The following GABRG3 variants were observed in gnomAD, a reference collection of about 807,000 sequenced individuals.
GABRG3 encodes gamma-aminobutyric acid receptor subunit gamma-3.
Under a neutral mutation model 48.8 loss-of-function variants are expected in GABRG3, and 25 were observed. The observed-to-expected ratio is 0.51, with a 90% CI of 0.37 to 0.72. The LOEUF (loss-of-function observed/expected upper bound fraction) is 0.72, where lower values mean the gene tolerates loss of function less well. Ranked by LOEUF, GABRG3 falls within the 30% of genes least tolerant of loss-of-function variation. GABRG3 has a pLI of 0.00. For missense variants in GABRG3, 394 were observed against 577.9 expected, an observed-to-expected ratio of 0.68 and a Z score of 3.26; for synonymous variants, 227 against 217.6, an observed-to-expected ratio of 1.04 and a Z score of -0.38.
chr15:27,160,118 T>C (rs1202629434), intron 3 of GABRG3, among the ~76,000 whole-genome samples: 4 of 152,202 alleles, frequency 2.6e-5, no homozygotes, highest in Non-Finnish European at 4.4e-5. Context: ...TTCCCAGTCT[T>C]GGTCATTCTG....
rs1042318391 is a variant in GABRG3, at chr15:27,180,586, T to C, written c.271-146223T>C. On this transcript the variant is annotated intron_variant, in intron 3 of 9. Transcript: ENST00000615808. This position sits in a 1 kb window ranked among gnomAD's most constrained non-coding sequence, Gnocchi z 4.2. ...CATGTCATCCTGATTCACTCAACTTTACCCCAACTCAGATTCTGTTTCTAA... is the reference window on the plus strand; with the variant it reads ...CATGTCATCCTGATTCACTCAACTTCACCCCAACTCAGATTCTGTTTCTAA... Among the ~76,000 whole-genome samples the C allele has an allele frequency of 6.6e-6, 1 of 152,086 alleles. No homozygotes were observed. Among genetic ancestry groups the C allele is most frequent in the African/African-American group, 2.4e-5 (1 of 41,426 alleles).
intron 3 of GABRG3, among the ~76,000 whole-genome samples, chr15:27,074,618 T>A (rs988384628): frequency 1.3e-5 from 2 of 151,670 alleles, no homozygotes; most frequent in Non-Finnish European, 2.9e-5. Flanking sequence ...ACCTACTCTG[T>A]GTGAATATAT....
At chr15:26,977,268 G>A (rs776575932) in intron 2 of GABRG3, 118 bp downstream of exon 2, 1 of 1,061,030 alleles carries the variant, frequency 9.4e-7, no homozygotes, top group African/African-American at 1.6e-5. Flanking sequence ...AAGGTTTCCT[G>A]TACTTGTCAC....
intron 3 of GABRG3, among the ~76,000 whole-genome samples, chr15:27,183,675 A>G (rs992302526): frequency 2.0e-5 from 3 of 152,260 alleles, no homozygotes; most frequent in Non-Finnish European, 2.9e-5. Context: ...AAAAATAAGT[A>G]TAAAGAGCAG....
chr15:27,249,843 G>T (rs964445324), intron 3 of GABRG3, among the ~76,000 whole-genome samples: 2 of 152,174 alleles, frequency 1.3e-5, no homozygotes, highest in Non-Finnish European at 2.9e-5. Flanking sequence ...CCAGAAGGAA[G>T]TTTCTTCATA....
rs74535109 is a variant in GABRG3, at chr15:27,395,327, A to G, written c.574+66439A>G. On this transcript the variant is annotated intron_variant, in intron 5 of 9. Transcript: ENST00000615808. The stretch of plus-strand genomic sequence containing the variant: ...TATTTGGTCCTTGTACGTAATTTCT[A>G]TCTTTTTATTGCAGTCCCTCATTTG... 3.0e-3 allele frequency among the ~76,000 whole-genome samples: 456 copies of G among 152,310 alleles called. 2 individuals are homozygous for G. The highest frequency in any genetic ancestry group is 0.01 in the African/African-American group (419 of 41,576).
chr15:27,472,811 T>G (rs1889826242), intron 5 of GABRG3, among the ~76,000 whole-genome samples: 1 of 152,158 alleles, frequency 6.6e-6, no homozygotes, highest in Non-Finnish European at 1.5e-5. Context: ...TATACATATG[T>G]ATGTATGTAT....
chr15:27,445,475 C>T (rs901168184), intron 5 of GABRG3, among the ~76,000 whole-genome samples: 10 of 152,160 alleles, frequency 6.6e-5, no homozygotes, highest in African/African-American at 2.4e-4. Flanking sequence ...GCCACCTGTA[C>T]ATCTTCTTTG....
intron 5 of GABRG3, chr15:27,362,520 C>G (rs1488699310): frequency 6.6e-6 from 1 of 152,166 alleles, no homozygotes; most frequent in Non-Finnish European, 1.5e-5. Flanking sequence ...CAGAGGTTTT[C>G]AAAGGACTAG....
chr15:27,480,785 C>T lies in GABRG3; in HGVS notation c.710C>T (p.Ala237Val), dbSNP rs763270961. 4 of 1,613,572 alleles carry T rather than the reference C, an allele frequency of 2.5e-6. No individual in the cohort carries two copies. Among genetic ancestry groups the T allele is most frequent in the Non-Finnish European group, 3.4e-6 (4 of 1,179,758 alleles). ...RNTTEIVTTS[A>V]GDYVVMTIYF... ...ACCACAGAAATCGTGACAACGTCTG[C>T]AGGTAGGAATTTACTGAAAGAGGCA... The change falls in exon 6 of 10, where the codon GCA (alanine) becomes GTA (valine). Residue 237 changes from alanine (A) to valine (V), a missense_variant and splice_region_variant. Around this residue, in one of 3 missense-constraint regions of GABRG3, gnomAD observed 218 missense variants for 309.9 expected, o/e 0.70. Coordinates refer to ENST00000615808, the MANE Select transcript of GABRG3 (RefSeq NM_033223.5).
At chr15:27,190,917 A>T (rs1888277591) in intron 3 of GABRG3, among the ~76,000 whole-genome samples, 1 of 151,686 alleles carries the variant, frequency 6.6e-6, no homozygotes, top group African/African-American at 2.4e-5. Flanking sequence ...AGAGATTCTG[A>T]TATGTCGTGC....
chr15:27,527,932 G>T lies in GABRG3; in HGVS notation c.1063-1G>T. The T allele has an allele frequency of 6.3e-7, 1 of 1,577,578 alleles. No homozygotes were observed. On this transcript the variant is annotated splice_acceptor_variant, in intron 8 of 9. Coordinates refer to ENST00000615808, the MANE Select transcript of GABRG3 (RefSeq NM_033223.5). LOFTEE classifies it high-confidence loss of function. Reference sequence around the variant, plus strand: ...AGTTATTTTTTCTTCTTTTCTTGTAGTTACTACATCCAGATTCCTCAAGAT... The same window carrying T: ...AGTTATTTTTTCTTCTTTTCTTGTATTTACTACATCCAGATTCCTCAAGAT...
At chr15:27,369,725 T>C (rs1428705120) in intron 5 of GABRG3, among the ~76,000 whole-genome samples, 1 of 139,388 alleles carries the variant, frequency 7.2e-6, no homozygotes, top group Non-Finnish European at 1.5e-5. Context: ...GAGAATGGCG[T>C]GAACCCGGGA....
intron 3 of GABRG3, among the ~76,000 whole-genome samples, chr15:27,224,041 G>A (rs1217576276): frequency 6.6e-6 from 1 of 152,144 alleles, no homozygotes; most frequent in Non-Finnish European, 1.5e-5. Context: ...CCTGGGTGGG[G>A]TACCCAGAGC....
At chr15:27,522,449 GT>G (rs1891181827) in intron 7 of GABRG3, among the ~76,000 whole-genome samples, 1 of 151,606 alleles carries the variant, frequency 6.6e-6, no homozygotes, top group South Asian at 2.1e-4. Flanking sequence ...AAAAAAACTA[GT>G]TTTCTATTTT....
intron 5 of GABRG3, among the ~76,000 whole-genome samples, chr15:27,407,063 G>A (rs1042457247): frequency 5.9e-5 from 9 of 151,958 alleles, no homozygotes; most frequent in African/African-American, 1.9e-4. Context: ...GAGTAGCTGC[G>A]ATTAGGGGCA....
Position 27,533,053 on chromosome 15 carries a change from A to G in GABRG3, c.*172A>G, listed in dbSNP as rs1268504305. On this transcript the variant is annotated 3_prime_UTR_variant, in exon 10 of 10. Coordinates refer to ENST00000615808, the MANE Select transcript of GABRG3 (RefSeq NM_033223.5). Reference sequence around the variant, plus strand: ...TACCCAGCAAAGGTTTCTATTATGTATTTTACACACACACATACATACACA... The same window carrying G: ...TACCCAGCAAAGGTTTCTATTATGTGTTTTACACACACACATACATACACA... 4.9e-6 allele frequency: 3 copies of G among 608,324 alleles called. No individual in the cohort carries two copies. The African/African-American group carries it at 5.6e-5, about 11-fold the overall frequency. 37.7% of individuals were successfully genotyped at this position (608,324 alleles called of 1,614,324 possible).
intron 4 of GABRG3, among the ~76,000 whole-genome samples, chr15:27,328,405 T>TC (rs890259148): frequency 6.6e-5 from 10 of 151,988 alleles, no homozygotes; most frequent in South Asian, 2.1e-4. Context: ...AAACAGGAAA[T>TC]CCCCCCCGAT....
intron 3 of GABRG3, among the ~76,000 whole-genome samples, chr15:27,080,193 G>A (rs1446753961): frequency 6.6e-6 from 1 of 152,166 alleles, no homozygotes; most frequent in Admixed American, 6.5e-5. Context: ...GCATGCACCT[G>A]TAGTCCCAGC....
Sources: allele counts gnomAD v4.1 joint callset (sites outside exome capture counted in the v4.1 genomes callset), GRCh38; gene constraint gnomAD v4.1.1; regional missense constraint gnomAD v4.1.1; non-coding constraint Gnocchi (gnomAD v3.1); transcripts MANE v1.5; gene names NCBI Gene and HGNC (gene_info 2026-07-23, HGNC 2026-07-21).